The following GRIA4 variants were observed in gnomAD, a reference collection of about 807,000 sequenced individuals.
GRIA4 encodes glutamate ionotropic receptor AMPA type subunit 4.
Under a neutral mutation model 104.0 loss-of-function variants are expected in GRIA4, and 34 were observed. That is an observed-to-expected ratio of 0.33 (90% CI 0.25 to 0.44). The LOEUF is 0.44. Among genes scored for constraint, GRIA4 ranks in the 20% least tolerant of loss-of-function variants. The probability of loss-of-function intolerance (pLI) is 1.00; values close to 1 mark genes in which losing one functional copy is unlikely to be tolerated. For synonymous variants in GRIA4, 386 were observed against 381.9 expected (o/e 1.01, Z -0.13); for missense variants, 750 against 1,096.5 (o/e 0.68, Z 4.46).
At chr11:105,693,685 C>T (rs953464598) in intron 3 of GRIA4, among the ~76,000 whole-genome samples, 1 of 152,098 alleles carries the variant, frequency 6.6e-6, no homozygotes, top group Non-Finnish European at 1.5e-5. Context: ...TTCTTTCCTT[C>T]CTAAATATGG....
rs75803305 is a variant in GRIA4, at chr11:105,854,817, G to A, written c.488-7207G>A. On this transcript the variant is annotated intron_variant, in intron 4 of 16. Transcript: ENST00000282499. ...TTCATCGCTCTCTCTGCATGCTGAA[G>A]TGTGGTGAAAAGTCCCTAAGCTGGA... Among the ~76,000 whole-genome samples the A allele has an allele frequency of 1.1e-3, 169 of 152,234 alleles. 1 individual carries two copies. The East Asian group carries it at 0.032, about 29-fold the overall frequency.
chr11:105,728,151 A>G (rs1307447183), intron 3 of GRIA4, among the ~76,000 whole-genome samples: 1 of 152,242 alleles, frequency 6.6e-6, no homozygotes, highest in East Asian at 1.9e-4. Flanking sequence ...AAAGACACAC[A>G]TAGGCTCAAA....
intron 3 of GRIA4, among the ~76,000 whole-genome samples, chr11:105,633,175 G>A (rs1017212938): frequency 1.3e-5 from 2 of 152,162 alleles, no homozygotes; most frequent in African/African-American, 4.8e-5. Flanking sequence ...CATTTGAAAA[G>A]ATGAATTTAT....
chr11:105,966,141 C>A, intron 14 of GRIA4: 1 of 924,736 alleles, frequency 1.1e-6, no homozygotes, highest in Non-Finnish European at 1.7e-6. Flanking sequence ...ATGGTTTGGA[C>A]CTCCTAATAC....
rs536802351 is a variant in GRIA4, at chr11:105,843,090, G to A, written c.488-18934G>A. 3.3e-5 allele frequency among the ~76,000 whole-genome samples: 5 copies of A among 152,262 alleles called. No homozygotes were observed. In the East Asian group the frequency reaches 9.7e-4, roughly 30 times the overall value. On this transcript the variant is annotated intron_variant, in intron 4 of 16. Transcript: ENST00000282499. ...GGACAATGTCCTCAGAGCCGTGAAA[G>A]CAGTTTTGTTTTTGGGGTTTTTCAT...
At chr11:105,793,177 T>C (rs991477457) in intron 4 of GRIA4, among the ~76,000 whole-genome samples, 7 of 152,156 alleles carry the variant, frequency 4.6e-5, no homozygotes, top group African/African-American at 1.7e-4. Flanking sequence ...GTAAATAAGA[T>C]GGAGCTACCA....
At position 105,905,237 on chromosome 11, in the gene GRIA4, A is replaced by C; in HGVS notation, c.1094A>C (p.His365Pro). ...QGLTGNVQFD[H>P]YGRRVNYTMD... Reference sequence around the variant, plus strand: ...CTGACAGGGAATGTTCAGTTTGACCACTATGGACGTAGAGTCAATTACACA... The same window carrying C: ...CTGACAGGGAATGTTCAGTTTGACCCCTATGGACGTAGAGTCAATTACACA... Residue 365 changes from histidine to proline, a missense_variant, in exon 9 of 17, where the codon CAC (histidine) becomes CCC (proline). Physicochemically the swap from His to Pro is moderately conservative, Grantham distance 77 (BLOSUM62 -2). This residue lies in a region of GRIA4 where 410 missense variants were observed against 502.7 expected (regional missense o/e 0.82). Coordinates refer to ENST00000282499, the MANE Select transcript of GRIA4 (RefSeq NM_000829.4). The C allele has an allele frequency of 6.2e-7, 1 of 1,611,022 alleles. No individual in the cohort carries two copies. The highest frequency in any genetic ancestry group is 8.5e-7 in the Non-Finnish European group (1 of 1,177,238).
chr11:105,939,124 A>G (rs998912104), intron 14 of GRIA4, among the ~76,000 whole-genome samples: 2 of 152,156 alleles, frequency 1.3e-5, no homozygotes, highest in Non-Finnish European at 1.5e-5. Context: ...TGCTAAAATG[A>G]TTTGCCCTCA....
chr11:105,960,304 T>C (rs1002937776), intron 14 of GRIA4, among the ~76,000 whole-genome samples: 55 of 152,190 alleles, frequency 3.6e-4, no homozygotes, highest in African/African-American at 1.3e-3. Context: ...TCCCTGAGCC[T>C]CTGGCTGGAG....
chr11:105,807,121 A>G (rs949875974), intron 4 of GRIA4, among the ~76,000 whole-genome samples: 1 of 151,836 alleles, frequency 6.6e-6, no homozygotes, highest in Non-Finnish European at 1.5e-5. Context: ...ACAACAAATG[A>G]GGGAAAAATC....
chr11:105,777,983 T>C (rs1325153863), intron 4 of GRIA4, among the ~76,000 whole-genome samples: 3 of 152,210 alleles, frequency 2.0e-5, no homozygotes, highest in African/African-American at 7.2e-5. Flanking sequence ...TTCATTCTTC[T>C]ACATTCTTCA....
intron 4 of GRIA4, among the ~76,000 whole-genome samples, chr11:105,809,279 A>G (rs952043033): frequency 2.6e-5 from 4 of 152,188 alleles, no homozygotes; most frequent in African/African-American, 9.6e-5. Context: ...ATACTTTGAT[A>G]CAAGCATACA....
chr11:105,960,623 C>T (rs960088688), intron 14 of GRIA4, among the ~76,000 whole-genome samples: 5 of 152,174 alleles, frequency 3.3e-5, no homozygotes, highest in African/African-American at 1.2e-4. Flanking sequence ...GCTGAAACAG[C>T]TTCGACAGCA....
At chr11:105,819,426 C>A (rs1265780142) in intron 4 of GRIA4, among the ~76,000 whole-genome samples, 1 of 152,142 alleles carries the variant, frequency 6.6e-6, no homozygotes. Context: ...ACATAACATG[C>A]ACTCAATTAA....
At chr11:105,799,325 A>T (rs925309246) in intron 4 of GRIA4, among the ~76,000 whole-genome samples, 1 of 152,120 alleles carries the variant, frequency 6.6e-6, no homozygotes, top group Admixed American at 6.6e-5. Flanking sequence ...GTGTGCAAGA[A>T]AGAGCAAAAA....
intron 1 of GRIA4, 32 bp from the exon 2 acceptor site, chr11:105,610,870 CTTTTTT>C (rs55973528): frequency 2.5e-3 from 896 of 355,274 alleles, no homozygotes; most frequent in Non-Finnish European, 2.8e-3. Context: ...TCTTTCTTTT[CTTTTTT>C]TTTTTTTTTT....
chr11:105,843,812 T>C (rs115717760), intron 4 of GRIA4, among the ~76,000 whole-genome samples: 2,576 of 152,290 alleles, frequency 0.017, 78 homozygotes, highest in African/African-American at 0.059. Context: ...ATACAAGAGA[T>C]TCAAGAACTG....
chr11:105,655,282 T>A (rs1359524170), intron 3 of GRIA4, among the ~76,000 whole-genome samples: 1 of 152,176 alleles, frequency 6.6e-6, no homozygotes, highest in East Asian at 1.9e-4. Flanking sequence ...GGAAAATAAC[T>A]GCATTTTGAA....
chr11:105,613,843 T>C (rs1439102609), intron 3 of GRIA4: 1 of 152,064 alleles, frequency 6.6e-6, no homozygotes, highest in Admixed American at 6.5e-5. Context: ...ACTTAATTTT[T>C]AAAAATCTCT....
Sources: allele counts gnomAD v4.1 joint callset (sites outside exome capture counted in the v4.1 genomes callset), GRCh38; gene constraint gnomAD v4.1.1; regional missense constraint gnomAD v4.1.1; transcripts MANE v1.5; gene names NCBI Gene and HGNC (gene_info 2026-07-23, HGNC 2026-07-21).